The following FLT4 variants were observed in gnomAD, a reference collection of about 807,000 sequenced individuals.
FLT4 encodes the protein vascular endothelial growth factor receptor 3.
In FLT4, 30 loss-of-function variants were observed where a neutral mutation model predicts 163.2. That is an observed-to-expected ratio of 0.18 (90% CI 0.14 to 0.25). The LOEUF is 0.25. FLT4 is among the 10% of genes least tolerant of loss of function. The pLI, the probability that FLT4 is intolerant of heterozygous loss-of-function variation, is 1.00. For synonymous variants in FLT4, 884 were observed against 789.5 expected (o/e 1.12, Z -2.01); for missense variants, 1,510 against 1,863.8 (o/e 0.81, Z 3.50).
At chr5:180,610,212 A>G (rs1467951329) in intron 27 of FLT4, among the ~76,000 whole-genome samples, 187 bp from the exon 28 acceptor site, 2 of 152,130 alleles carry the variant, frequency 1.3e-5, no homozygotes, top group Non-Finnish European at 2.9e-5. Flanking sequence ...TGTCTACCCC[A>G]CAGCCCCAGC....
rs117606544 is a variant in FLT4, at chr5:180,630,067, C to A, written c.552G>T (p.Val184=). The change falls in exon 5 of 30, where the codon GTG becomes GTT. Residue 184 remains valine (V), a synonymous_variant. Coordinates refer to ENST00000261937, the MANE Select transcript of FLT4 (RefSeq NM_182925.5). The surrounding 1 kb of genome is among the most constrained non-coding windows in gnomAD (Gnocchi z 6.3). ...CGAGCATGCCCCGCCGGTCATCCCA[C>A]ACCACCTCCTGCCCGTCTGGCCACA... The part of the protein sequence containing the change: ...SVLWPDGQEV[V]WDDRRGMLVS... 7.0e-5 allele frequency: 113 copies of A among 1,612,804 alleles called. No homozygotes were observed. In the East Asian group the frequency reaches 2.2e-3, roughly 31 times the overall value.
intron 21 of FLT4, 30 bp downstream of exon 21, chr5:180,618,740 C>T (rs1259906288): frequency 6.3e-7 from 1 of 1,576,010 alleles, no homozygotes. Context: ...CCGTCAGGCA[C>T]TAGGAAAAGG....
chr5:180,606,622 G>A (rs1197189474), intron 29 of FLT4, among the ~76,000 whole-genome samples: 4 of 152,230 alleles, frequency 2.6e-5, no homozygotes, highest in African/African-American at 4.8e-5. Context: ...TTGAATTTAC[G>A]TGGCGATCAT....
At chr5:180,607,151 C>T (rs1285194390) in intron 29 of FLT4, among the ~76,000 whole-genome samples, 7 of 152,022 alleles carry the variant, frequency 4.6e-5, no homozygotes, top group Non-Finnish European at 8.8e-5. Context: ...AAATCTATAC[C>T]CTTAAAAGTT....
chr5:180,606,920 C>CAAAA (rs1395893411), intron 29 of FLT4, among the ~76,000 whole-genome samples: 1 of 142,100 alleles, frequency 7.0e-6, no homozygotes, highest in Admixed American at 7.0e-5. Context: ...AAAAAACAAA[C>CAAAA]AAACAAACTT....
intron 8 of FLT4, 129 bp downstream of exon 8, chr5:180,628,753 C>A (rs1228209540): frequency 1.2e-5 from 8 of 692,930 alleles, no homozygotes; most frequent in African/African-American, 3.5e-5. Context: ...CTGAGAGAGG[C>A]CCCCGCCATG....
At chr5:180,610,915 G>A (rs1762123660) in intron 27 of FLT4, among the ~76,000 whole-genome samples, 1 of 152,204 alleles carries the variant, frequency 6.6e-6, no homozygotes, top group African/African-American at 2.4e-5. Flanking sequence ...AAATTAGCCA[G>A]GCGTGGTGGC....
In FLT4 at chr5:180,628,742, C is replaced by T. The variant is rs56048301; in HGVS notation, c.1103+140G>A. The T allele has an allele frequency of 2.1e-3, 1,419 of 670,320 alleles. 4 individuals are homozygous for T. Among genetic ancestry groups the T allele is most frequent in the Non-Finnish European group, 3.1e-3 (1,178 of 379,120 alleles). The allele number at this position is 670,320 out of a possible 1,614,324, so 41.5% of individuals were successfully genotyped here. A position where few individuals can be genotyped will look rare whatever the true frequency, so the allele number is the denominator to read the frequency against. ...TATGGGCGGGTTCCTTGGGGGGTCT[C>T]CTGAGAGAGGCCCCCGCCATGCCTG... On this transcript the variant is annotated intron_variant, in intron 8 of 29. Coordinates refer to ENST00000261937, the MANE Select transcript of FLT4 (RefSeq NM_182925.5).
Position 180,620,708 on chromosome 5 carries a change from C to G in FLT4, c.2307G>C (p.Glu769Asp). 6.2e-7 allele frequency: 1 copy of G among 1,613,394 alleles called. No individual in the cohort carries two copies. Among genetic ancestry groups the G allele is most frequent in the Non-Finnish European group, 8.5e-7 (1 of 1,179,892 alleles). Residue 769 changes from glutamate to aspartate, a missense_variant, in exon 16 of 30, where the codon GAG becomes GAC. Glu to Asp is a conservative substitution (Grantham distance 45, BLOSUM62 2). Around this residue, in one of 5 missense-constraint regions of FLT4, gnomAD observed 878 missense variants for 1,016.7 expected, o/e 0.86. Transcript: ENST00000261937. This position sits in a 1 kb window ranked among gnomAD's most constrained non-coding sequence, Gnocchi z 4.4. The stretch of plus-strand genomic sequence containing the variant: ...TCACGATCTCCATGCTGCCCTTATC[C>G]TCGGAGCCTGCGTGGGCAGAAAGGG... Reference protein sequence around the residue: ...SSASVAVEGSEDKGSMEIVIL... With the variant: ...SSASVAVEGSDDKGSMEIVIL...
intron 1 of FLT4, among the ~76,000 whole-genome samples, chr5:180,646,597 G>A (rs375390470): frequency 6.6e-6 from 1 of 152,184 alleles, no homozygotes; most frequent in African/African-American, 2.4e-5. Context: ...GCCACCAGCT[G>A]GGCCTCACCA....
intron 1 of FLT4, among the ~76,000 whole-genome samples, chr5:180,649,159 C>T (rs1461185942): frequency 6.6e-6 from 1 of 151,778 alleles, no homozygotes; most frequent in African/African-American, 2.4e-5. Flanking sequence ...GCGAAGGATC[C>T]GGGCTCAGCG....
chr5:180,621,032 G>C, intron 14 of FLT4, 25 bp from the exon 15 acceptor site: 1 of 1,611,038 alleles, frequency 6.2e-7, no homozygotes, highest in African/African-American at 1.3e-5. Context: ...GTGGAGGTGC[G>C]GGTCCACCTG....
At chr5:180,624,517 C>T (rs1034258587) in intron 10 of FLT4, among the ~76,000 whole-genome samples, 34 of 152,284 alleles carry the variant, frequency 2.2e-4, no homozygotes, top group African/African-American at 6.7e-4. Context: ...CGTGAGCCAC[C>T]GAGCCCGGCC....
chr5:180,619,671 G>A lies in FLT4; in HGVS notation c.2641C>T (p.Leu881=), dbSNP rs975706016. ...SSCDTVAVKM[L]KEGATASEHR... is the part of the protein sequence containing the mutation. ...CCGCCCGCTGACCCCACACCTTTCA[G>A]CATTTTCACGGCCACGGTGTCACAG... Residue 881 remains leucine, a synonymous_variant, in exon 18 of 30, where the codon CTG becomes TTG. Transcript: ENST00000261937. 1 of 1,611,950 alleles carries A rather than the reference G, an allele frequency of 6.2e-7. No homozygotes were observed. Among genetic ancestry groups the A allele is most frequent in the Non-Finnish European group, 8.5e-7 (1 of 1,179,194 alleles).
At position 180,608,097 on chromosome 5, in the gene FLT4, T is replaced by A. The variant is rs1226796902; in HGVS notation, c.3893+871A>T. On this transcript the variant is annotated intron_variant, in intron 29 of 29. Transcript: ENST00000261937. ...GTCATCCGGAGGCCTAACCCCTCCC[T>A]GTGGTGCTTCAGTGGTCACACTCCT... 4.3e-6 allele frequency: 3 copies of A among 700,432 alleles called. No homozygotes were observed. The East Asian group carries it at 8.0e-5, about 19-fold the overall frequency. The allele number at this position is 700,432 out of a possible 1,614,324, so 43.4% of individuals were successfully genotyped here.
chr5:180,603,773 G>C (rs1005167114), intron 29 of FLT4, among the ~76,000 whole-genome samples: 1 of 152,068 alleles, frequency 6.6e-6, no homozygotes, highest in Non-Finnish European at 1.5e-5. Context: ...GCGTGGTGGC[G>C]GGCGCCTGTA....
Position 180,629,503 on chromosome 5 carries a change from G to C in FLT4, c.817-76C>G, listed in dbSNP as rs1253136471. 3 of 1,564,186 alleles carry C rather than the reference G, an allele frequency of 1.9e-6. No individual in the cohort carries two copies. In the South Asian group the frequency reaches 3.3e-5, roughly 17 times the overall value. Reference sequence around the variant, plus strand: ...TACCCCACCGAAGGCACACCTCCCAGCCCAGCCAGCGGTGGCTCCGGAAGC... The same window carrying C: ...TACCCCACCGAAGGCACACCTCCCACCCCAGCCAGCGGTGGCTCCGGAAGC... On this transcript the variant is annotated intron_variant, in intron 6 of 29. Coordinates refer to ENST00000261937, the MANE Select transcript of FLT4 (RefSeq NM_182925.5).
At chr5:180,622,058 G>A (rs1209541232) in intron 12 of FLT4, among the ~76,000 whole-genome samples, 154 bp from the exon 13 acceptor site, 1 of 142,886 alleles carries the variant, frequency 7.0e-6, no homozygotes, top group Non-Finnish European at 1.5e-5. Flanking sequence ...AAAAGCCCAG[G>A]TCATCAGGAG....
At chr5:180,611,632 G>C in intron 26 of FLT4, 153 bp from the exon 27 acceptor site, 4 of 794,112 alleles carry the variant, frequency 5.0e-6, no homozygotes, top group Admixed American at 4.3e-5. Flanking sequence ...CCCTCGCCCT[G>C]CCCTCAGCCC....
Sources: allele counts gnomAD v4.1 joint callset (sites outside exome capture counted in the v4.1 genomes callset), GRCh38; gene constraint gnomAD v4.1.1; regional missense constraint gnomAD v4.1.1; non-coding constraint Gnocchi (gnomAD v3.1); transcripts MANE v1.5; gene names NCBI Gene and HGNC (gene_info 2026-07-23, HGNC 2026-07-21).